SGMS1: variants seen among roughly 807,000 people sequenced by gnomAD.
SGMS1 encodes phosphatidylcholine:ceramide cholinephosphotransferase 1.
Under a neutral mutation model 46.2 loss-of-function variants are expected in SGMS1, and 13 were observed. The ratio of observed to expected loss-of-function variants is 0.28; its 90% CI spans 0.18 to 0.45. SGMS1 has a LOEUF of 0.45. Ranked by LOEUF, SGMS1 falls within the 20% of genes least tolerant of loss-of-function variation. SGMS1 has a pLI of 1.00. For missense variants in SGMS1, 324 were observed against 519.9 expected (o/e 0.62, Z 3.66); for synonymous variants, 203 against 187.8 (o/e 1.08, Z -0.66).
intron 3 of SGMS1, among the ~76,000 whole-genome samples, chr10:50,504,677 C>T (rs61152656): frequency 0.029 from 4,458 of 152,092 alleles, 103 homozygotes; most frequent in African/African-American, 0.063. Context: ...ACACAGCCTC[C>T]TATACAAACA....
At chr10:50,509,172 G>A (rs1564420682) in intron 3 of SGMS1, among the ~76,000 whole-genome samples, 1 of 152,206 alleles carries the variant, frequency 6.6e-6, no homozygotes, top group East Asian at 1.9e-4. Flanking sequence ...AAGGATAGAA[G>A]TTATATCCTT....
chr10:50,608,686 A>G (rs1055493260), intron 1 of SGMS1, among the ~76,000 whole-genome samples: 3 of 152,354 alleles, frequency 2.0e-5, no homozygotes, highest in Admixed American at 6.5e-5. Flanking sequence ...ATGTAGCCTA[A>G]TAACAAGTAC....
chr10:50,315,736 G>A (rs1847328278), intron 8 of SGMS1, among the ~76,000 whole-genome samples: 1 of 152,136 alleles, frequency 6.6e-6, no homozygotes, highest in South Asian at 2.1e-4. Context: ...TAATTTAAGG[G>A]AGACATAAAA....
At chr10:50,614,245 C>T (rs368987585) in intron 1 of SGMS1, among the ~76,000 whole-genome samples, 1 of 152,092 alleles carries the variant, frequency 6.6e-6, no homozygotes, top group African/African-American at 2.4e-5. Context: ...AGTTTTCTCT[C>T]CACCTTGGGA....
intron 6 of SGMS1, among the ~76,000 whole-genome samples, chr10:50,379,273 T>G (rs1412843110): frequency 6.6e-6 from 1 of 152,202 alleles, no homozygotes; most frequent in African/African-American, 2.4e-5. Flanking sequence ...TAAATATCCT[T>G]CACTGTGGTT....
intron 3 of SGMS1, among the ~76,000 whole-genome samples, chr10:50,504,772 T>C (rs1220503020): frequency 6.6e-6 from 1 of 152,196 alleles, no homozygotes; most frequent in Admixed American, 6.5e-5. Context: ...ATTTCTGAGT[T>C]ATTATTCCTT....
At chr10:50,355,042 C>T (rs111566321) in intron 6 of SGMS1, among the ~76,000 whole-genome samples, 33,207 of 152,138 alleles carry the variant, frequency 0.22, 3,655 homozygotes, top group East Asian at 0.27. Flanking sequence ...GATGATTCCT[C>T]AGGGATCTAG....
intron 6 of SGMS1, among the ~76,000 whole-genome samples, chr10:50,374,035 G>T (rs1848485490): frequency 6.6e-6 from 1 of 152,182 alleles, no homozygotes; most frequent in South Asian, 2.1e-4. Flanking sequence ...TTGCACTGAA[G>T]ACACAGCTGA....
intron 6 of SGMS1, among the ~76,000 whole-genome samples, chr10:50,424,945 GAGCAC>G: frequency 6.7e-6 from 1 of 148,456 alleles, no homozygotes; most frequent in East Asian, 2.0e-4. Context: ...GAAGACATAT[GAGCAC>G]AGCCAACATA....
At chr10:50,545,883 T>A (rs1240001066) in intron 2 of SGMS1, among the ~76,000 whole-genome samples, 2 of 152,202 alleles carry the variant, frequency 1.3e-5, no homozygotes, top group East Asian at 3.8e-4. Flanking sequence ...CATATCAGCC[T>A]CATAGGTCAT....
At chr10:50,403,156 A>G (rs973404527) in intron 6 of SGMS1, among the ~76,000 whole-genome samples, 2 of 152,234 alleles carry the variant, frequency 1.3e-5, no homozygotes, top group African/African-American at 4.8e-5. Flanking sequence ...TCCGAAAAAC[A>G]TAGTTTTAAT....
At chr10:50,462,674 T>C (rs79028841) in intron 4 of SGMS1, among the ~76,000 whole-genome samples, 1,565 of 152,300 alleles carry the variant, frequency 0.01, 32 homozygotes, top group African/African-American at 0.036. Flanking sequence ...AGATGGCCAA[T>C]GGAATAGGCC....
At chr10:50,497,605 C>T (rs1837626683) in intron 3 of SGMS1, among the ~76,000 whole-genome samples, 1 of 152,098 alleles carries the variant, frequency 6.6e-6, no homozygotes, top group South Asian at 2.1e-4. Flanking sequence ...CCAGCCTGGC[C>T]AACATAGTGA....
chr10:50,345,869 G>T (rs1340137863), intron 6 of SGMS1, among the ~76,000 whole-genome samples: 2 of 152,194 alleles, frequency 1.3e-5, no homozygotes, highest in Non-Finnish European at 2.9e-5. Flanking sequence ...CAACTGGAAA[G>T]AAATATATCA....
intron 6 of SGMS1, among the ~76,000 whole-genome samples, chr10:50,362,014 A>G (rs1369500057): frequency 1.3e-5 from 2 of 152,094 alleles, no homozygotes; most frequent in Non-Finnish European, 2.9e-5. Context: ...TTCCTACCTT[A>G]TACCTTCCTT....
rs899798313 is a variant in SGMS1 at position 50,472,015 on chromosome 10, A to G, written c.-497-5083T>C. ...ATATTTGTGTTACCAATTAAATCAA[A>G]TCATTCTTCTCAGTTATTGTCAAGA... is the stretch of plus-strand genomic sequence containing the variant. On this transcript the variant is annotated intron_variant, in intron 3 of 10. Coordinates refer to ENST00000361781, the MANE Select transcript of SGMS1 (RefSeq NM_147156.4). 2.2e-4 allele frequency among the ~76,000 whole-genome samples: 33 copies of G among 152,132 alleles called. 1 individual carries two copies. The highest frequency in any genetic ancestry group is 3.3e-4 in the Admixed American group (5 of 15,264).
intron 3 of SGMS1, among the ~76,000 whole-genome samples, chr10:50,490,236 A>T (rs1007531861): frequency 6.6e-6 from 1 of 152,242 alleles, no homozygotes; most frequent in Admixed American, 6.5e-5. Flanking sequence ...ATTTGCATTT[A>T]TAATTATTCC....
At chr10:50,431,478 T>C (rs1849403420) in intron 6 of SGMS1, among the ~76,000 whole-genome samples, 1 of 152,232 alleles carries the variant, frequency 6.6e-6, no homozygotes, top group Non-Finnish European at 1.5e-5. Context: ...AGCTGTTACT[T>C]AGCAATTTCA....
At chr10:50,326,139 T>C (rs776700853) in intron 8 of SGMS1, among the ~76,000 whole-genome samples, 3 of 151,284 alleles carry the variant, frequency 2.0e-5, no homozygotes, top group Non-Finnish European at 4.4e-5. Flanking sequence ...AAGGAAGTAG[T>C]GTGTAGCAAA....
Sources: allele counts gnomAD v4.1 joint callset (sites outside exome capture counted in the v4.1 genomes callset), GRCh38; gene constraint gnomAD v4.1.1; transcripts MANE v1.5; gene names NCBI Gene and HGNC (gene_info 2026-07-23, HGNC 2026-07-21).